B3GALT1: variants seen among roughly 807,000 people sequenced by gnomAD.
The protein encoded by B3GALT1 is UDP-Gal:betaGlcNAc beta 1,3-galactosyltransferase, polypeptide 1.
Under a neutral mutation model 23.2 loss-of-function variants are expected in B3GALT1, and 10 were observed. That is an observed-to-expected ratio of 0.43 (90% CI 0.27 to 0.73). The LOEUF (loss-of-function observed/expected upper bound fraction) is 0.73. B3GALT1 is among the 30% of genes least tolerant of loss of function. The pLI, the probability that B3GALT1 is intolerant of heterozygous loss-of-function variation, is 0.21. For missense variants in B3GALT1, 299 were observed against 405.4 expected (o/e 0.74, Z 2.25); for synonymous variants, 156 against 141.5 (o/e 1.10, Z -0.73).
intron 1 of B3GALT1, among the ~76,000 whole-genome samples, chr2:167,439,349 T>A (rs1432417032): frequency 6.6e-6 from 1 of 152,192 alleles, no homozygotes; most frequent in African/African-American, 2.4e-5. Context: ...ATCAATATTG[T>A]CAACTGTTCT....
At chr2:167,454,718 G>A (rs1354193896) in intron 1 of B3GALT1, among the ~76,000 whole-genome samples, 1 of 152,130 alleles carries the variant, frequency 6.6e-6, no homozygotes, top group Non-Finnish European at 1.5e-5. Context: ...ATTCCCATCT[G>A]TTATCTCCTT....
rs961437849 is a variant in B3GALT1, at chr2:167,562,701, G to T, written c.-410+72424G>T. Among the ~76,000 whole-genome samples the T allele has an allele frequency of 4.0e-5, 6 of 151,438 alleles. 1 individual carries two copies. In the East Asian group the frequency reaches 1.2e-3, roughly 29 times the overall value. On this transcript the variant is annotated intron_variant, in intron 2 of 4. Coordinates refer to ENST00000392690, the MANE Select transcript of B3GALT1 (RefSeq NM_020981.4). ...TTCTTGGGTGTTTCTCGCAGAGGGG[G>T]ATTTGGCAGGGTCACAGGACAATTA...
intron 1 of B3GALT1, among the ~76,000 whole-genome samples, chr2:167,393,693 C>T (rs1417681646): frequency 1.3e-5 from 2 of 152,136 alleles, no homozygotes; most frequent in African/African-American, 4.8e-5. Flanking sequence ...AATTTCATCT[C>T]AATTCAATCT....
chr2:167,797,266 C>T (rs836671), intron 3 of B3GALT1, among the ~76,000 whole-genome samples: 48,116 of 152,038 alleles, frequency 0.32, 7,980 homozygotes, highest in Middle Eastern at 0.39. Flanking sequence ...CTGAAGATAA[C>T]GACTTCCAGC....
intron 1 of B3GALT1, among the ~76,000 whole-genome samples, chr2:167,457,335 G>A (rs1416260255): frequency 6.6e-6 from 1 of 151,870 alleles, no homozygotes; most frequent in Non-Finnish European, 1.5e-5. Context: ...ACCATGCCCA[G>A]CTAATTTTTG....
At chr2:167,445,184 T>A (rs1698960409) in intron 1 of B3GALT1, among the ~76,000 whole-genome samples, 1 of 152,198 alleles carries the variant, frequency 6.6e-6, no homozygotes, top group African/African-American at 2.4e-5. Context: ...TTGGAGTGAG[T>A]TTCTCAATCC....
chr2:167,481,294 C>A (rs1241713830), intron 1 of B3GALT1, among the ~76,000 whole-genome samples: 4 of 152,082 alleles, frequency 2.6e-5, no homozygotes, highest in Admixed American at 2.0e-4. Context: ...ACAGAACAAA[C>A]CCACAGTGGA....
In B3GALT1 at chr2:167,497,236, AG is replaced by A. The variant is rs532492709; in HGVS notation, c.-410+6965del. ...AAAGTTGAGCAGAGGAAGGGAAATG[AG>A]GGGGGATGGGCAACGGTTACAGTAT... On this transcript the variant is annotated intron_variant, in intron 2 of 4. Coordinates refer to ENST00000392690, the MANE Select transcript of B3GALT1 (RefSeq NM_020981.4). Among the ~76,000 whole-genome samples the A allele has an allele frequency of 3.5e-3, 525 of 151,860 alleles. 3 individuals are homozygous for A. The highest frequency in any genetic ancestry group is 0.014 in the Middle Eastern group (4 of 294).
intron 1 of B3GALT1, among the ~76,000 whole-genome samples, chr2:167,460,228 C>A (rs191343930): frequency 2.0e-5 from 3 of 152,256 alleles, no homozygotes; most frequent in Non-Finnish European, 4.4e-5. Flanking sequence ...TCTGGGAGTT[C>A]AACAACACAT....
At chr2:167,621,375 C>G (rs1004892340) in intron 2 of B3GALT1, among the ~76,000 whole-genome samples, 14 of 151,962 alleles carry the variant, frequency 9.2e-5, no homozygotes, top group African/African-American at 3.1e-4. Context: ...CGTGAGCCAC[C>G]TTGCCTGGCC....
At chr2:167,689,830 T>C (rs959695634) in intron 3 of B3GALT1, among the ~76,000 whole-genome samples, 1 of 152,084 alleles carries the variant, frequency 6.6e-6, no homozygotes, top group African/African-American at 2.4e-5. Flanking sequence ...GTTGCATTGA[T>C]TGTAGAGGAA....
At chr2:167,665,001 T>C (rs1686146767) in intron 3 of B3GALT1, among the ~76,000 whole-genome samples, 1 of 151,668 alleles carries the variant, frequency 6.6e-6, no homozygotes, top group African/African-American at 2.4e-5. Context: ...AACACTATGT[T>C]GAATAGGAGT....
chr2:167,565,689 C>CG (rs1423151633), intron 2 of B3GALT1, among the ~76,000 whole-genome samples: 1 of 152,088 alleles, frequency 6.6e-6, no homozygotes, highest in Non-Finnish European at 1.5e-5. Flanking sequence ...AAAAAGTGGG[C>CG]AAGGATATGA....
At chr2:167,402,972 G>A (rs1391977022) in intron 1 of B3GALT1, among the ~76,000 whole-genome samples, 5 of 129,356 alleles carry the variant, frequency 3.9e-5, no homozygotes, top group Admixed American at 8.2e-5. Flanking sequence ...CCCCACCCCC[G>A]ATTGCATTCA....
At chr2:167,828,491 T>A (rs1427525294) in intron 4 of B3GALT1, among the ~76,000 whole-genome samples, 1 of 152,192 alleles carries the variant, frequency 6.6e-6, no homozygotes, top group Non-Finnish European at 1.5e-5. Flanking sequence ...CTGATATTTT[T>A]TCCTGCATAA....
rs772472064 is a variant in B3GALT1, at chr2:167,873,579, A to G, written c.*3559A>G. The G allele has an allele frequency of 9.9e-5, 15 of 152,156 alleles. No homozygotes were observed. The highest frequency in any genetic ancestry group is 1.3e-4 in the Admixed American group (2 of 15,280). The allele number at this position is 152,156 out of a possible 1,614,324, so 9.4% of individuals were successfully genotyped here. A position where few individuals can be genotyped will look rare whatever the true frequency, so the allele number is the denominator to read the frequency against. ...GTTTAGTGGGAGAATTGATTATGTC[A>G]TTTCTTCTGTAAAGGTGAAAATCGT... On this transcript the variant is annotated 3_prime_UTR_variant, in exon 5 of 5. Coordinates refer to ENST00000392690, the MANE Select transcript of B3GALT1 (RefSeq NM_020981.4).
chr2:167,543,766 G>A (rs983996949), intron 2 of B3GALT1, among the ~76,000 whole-genome samples: 2 of 152,238 alleles, frequency 1.3e-5, no homozygotes, highest in Admixed American at 6.5e-5. Context: ...GACCTTGAAT[G>A]TGGTGCTTCG....
In B3GALT1 at chr2:167,770,589, G is replaced by A. The variant is rs150891189; in HGVS notation, c.-351-48083G>A. On this transcript the variant is annotated intron_variant, in intron 3 of 4. Coordinates refer to ENST00000392690, the MANE Select transcript of B3GALT1 (RefSeq NM_020981.4). ...TGGCTGGTCTTTTCAGTCTGTTAGT[G>A]GTGTCTTTCTCAAAGCAAAAATTGT... 5.3e-5 allele frequency among the ~76,000 whole-genome samples: 8 copies of A among 152,094 alleles called. No individual in the cohort carries two copies. In the East Asian group the frequency reaches 1.4e-3, roughly 26 times the overall value.
intron 2 of B3GALT1, among the ~76,000 whole-genome samples, chr2:167,562,666 T>TTA (rs1553467649): frequency 2.0e-5 from 3 of 150,412 alleles, no homozygotes; most frequent in South Asian, 4.2e-4. Context: ...TTTTTTTTTT[T>TTA]AATTGATCAT....
Sources: allele counts gnomAD v4.1 joint callset (sites outside exome capture counted in the v4.1 genomes callset), GRCh38; gene constraint gnomAD v4.1.1; transcripts MANE v1.5; gene names NCBI Gene and HGNC (gene_info 2026-07-23, HGNC 2026-07-21).